The following GLI2 variants were observed in gnomAD, a reference collection of about 807,000 sequenced individuals.
GLI2 encodes transcription activator GLI2.
A neutral mutation model predicts 78.9 loss-of-function variants in GLI2; 22 were observed. The observed-to-expected ratio is 0.28, with a 90% CI of 0.20 to 0.40. The LOEUF is 0.40. Among genes scored for constraint, GLI2 ranks in the 10% least tolerant of loss-of-function variants. GLI2 has a pLI of 1.00. For synonymous variants in GLI2, 974 were observed against 963.7 expected (o/e 1.01, Z -0.20); for missense variants, 2,097 against 2,213.2 (o/e 0.95, Z 1.05).
At chr2:120,862,322 G>A (rs1304723273) in intron 2 of GLI2, among the ~76,000 whole-genome samples, 1 of 152,174 alleles carries the variant, frequency 6.6e-6, no homozygotes, top group Non-Finnish European at 1.5e-5. Flanking sequence ...CCTAACATAA[G>A]GATGCAGTTC....
At chr2:120,777,381 G>A (rs1000035668) in intron 1 of GLI2, among the ~76,000 whole-genome samples, 15 of 152,046 alleles carry the variant, frequency 9.9e-5, no homozygotes, top group Non-Finnish European at 7.4e-5. Flanking sequence ...GTGTCTGAAC[G>A]AGATGAGGGA....
chr2:120,874,532 G>A (rs1462469972), intron 2 of GLI2, among the ~76,000 whole-genome samples: 4 of 152,184 alleles, frequency 2.6e-5, no homozygotes, highest in East Asian at 1.9e-4. Flanking sequence ...GCCTGGAAGC[G>A]GGCCTTGCTC....
At position 120,986,582 on chromosome 2, in the gene GLI2, G is replaced by A. The variant is rs144782119; in HGVS notation, c.2210G>A (p.Arg737Gln). Reference protein sequence around the residue: ...CSWAGPTPHTRNTKLPPLPGS... With the variant: ...CSWAGPTPHTQNTKLPPLPGS... ...TGGGCCGGGCCGACTCCACACACGC[G>A]GAACACCAAGCTGCCTCCCCTCCCG... Residue 737 changes from arginine to glutamine, a missense_variant, in exon 13 of 14, where the codon CGG (arginine) becomes CAG (glutamine). This residue lies in a region of GLI2 where 1,290 missense variants were observed against 1,261.7 expected (regional missense o/e 1.02). Coordinates refer to ENST00000361492, the MANE Select transcript of GLI2 (RefSeq NM_001374353.1). The A allele has an allele frequency of 7.2e-5, 116 of 1,613,940 alleles. No individual in the cohort carries two copies. The highest frequency in any genetic ancestry group is 1.7e-4 in the African/African-American group (13 of 74,902).
At position 120,821,646 on chromosome 2, in the gene GLI2, C is replaced by G. The variant is rs553457427; in HGVS notation, c.148+24178C>G. Among the ~76,000 whole-genome samples the G allele has an allele frequency of 2.6e-5, 4 of 152,194 alleles. No homozygotes were observed. The South Asian group carries it at 8.3e-4, about 32-fold the overall frequency. ...GGTCCACTGCCCTTCCTCACCCTCT[C>G]GTCTTTCTAATAAACAGAGGGGAGG... On this transcript the variant is annotated intron_variant, in intron 2 of 13. Coordinates refer to ENST00000361492, the MANE Select transcript of GLI2 (RefSeq NM_001374353.1).
At chr2:120,804,899 G>T (rs1459350841) in intron 2 of GLI2, among the ~76,000 whole-genome samples, 2 of 152,186 alleles carry the variant, frequency 1.3e-5, no homozygotes, top group African/African-American at 4.8e-5. Context: ...CATGGCTTGG[G>T]GTCAGGCAGA....
intron 2 of GLI2, among the ~76,000 whole-genome samples, chr2:120,808,967 T>C (rs1223746584): frequency 1.3e-5 from 2 of 152,156 alleles, no homozygotes; most frequent in African/African-American, 2.4e-5. Flanking sequence ...CTGGGTTTTC[T>C]AGCTCCAGGT....
intron 2 of GLI2, among the ~76,000 whole-genome samples, chr2:120,825,608 G>T (rs534433332): frequency 6.6e-6 from 1 of 151,938 alleles, no homozygotes; most frequent in Non-Finnish European, 1.5e-5. Context: ...GTGTGTGCTG[G>T]ACTGTAAGCA....
At chr2:120,944,193 TCTCATGG>T (rs987811448) in intron 3 of GLI2, among the ~76,000 whole-genome samples, 1 of 152,108 alleles carries the variant, frequency 6.6e-6, no homozygotes, top group African/African-American at 2.4e-5. Context: ...CCACCAAAAA[TCTCATGG>T]CAGCAGATGG....
intron 2 of GLI2, among the ~76,000 whole-genome samples, chr2:120,827,736 A>G (rs750720903): frequency 3.3e-5 from 5 of 152,246 alleles, no homozygotes; most frequent in Admixed American, 6.5e-5. Flanking sequence ...CACAGCACAG[A>G]TGAACCTTGA....
In GLI2 at chr2:120,949,143, AG is replaced by A. The variant is rs1173886853; in HGVS notation, c.255-2096del. Among the ~76,000 whole-genome samples the A allele has an allele frequency of 8.5e-5, 13 of 152,270 alleles. No individual in the cohort carries two copies. In the East Asian group the frequency reaches 2.5e-3, roughly 30 times the overall value. ...GAGCCCACAGGACCTGCCCTTGTCC[AG>A]GGGTGCATTAGTCTGGTCCCACTTC... On this transcript the variant is annotated intron_variant, in intron 3 of 13. Coordinates refer to ENST00000361492, the MANE Select transcript of GLI2 (RefSeq NM_001374353.1).
intron 2 of GLI2, among the ~76,000 whole-genome samples, chr2:120,807,644 C>T (rs1685023124): frequency 1.3e-5 from 2 of 152,132 alleles, no homozygotes; most frequent in Admixed American, 6.5e-5. Context: ...AGAGGCTGAG[C>T]TGAGCGGGAA....
intron 2 of GLI2, among the ~76,000 whole-genome samples, chr2:120,818,193 C>T (rs1199431471): frequency 6.6e-6 from 1 of 152,198 alleles, no homozygotes; most frequent in African/African-American, 2.4e-5. Flanking sequence ...CGCTTTCATC[C>T]CCGAGGGGTG....
At position 120,892,016 on chromosome 2, in the gene GLI2, G is replaced by A. The variant is rs544831172; in HGVS notation, c.149-35345G>A. ...CCTGCACCTTGTGACCTCCTGCTTG[G>A]CTCTGCGGATTGTGGTCACCACCTT... On this transcript the variant is annotated intron_variant, in intron 2 of 13. Coordinates refer to ENST00000361492, the MANE Select transcript of GLI2 (RefSeq NM_001374353.1). 1.2e-4 allele frequency among the ~76,000 whole-genome samples: 18 copies of A among 151,994 alleles called. No homozygotes were observed. The South Asian group carries it at 3.3e-3, about 28-fold the overall frequency.
chr2:120,929,372 A>G (rs1478583945), intron 3 of GLI2, among the ~76,000 whole-genome samples: 2 of 152,180 alleles, frequency 1.3e-5, no homozygotes, highest in Admixed American at 6.5e-5. Context: ...CCTGTTTCTT[A>G]TCATATTTTC....
intron 1 of GLI2, among the ~76,000 whole-genome samples, chr2:120,743,810 G>A (rs1273196207): frequency 1.3e-5 from 2 of 152,214 alleles, no homozygotes; most frequent in Non-Finnish European, 1.5e-5. Context: ...AACCCTCTGA[G>A]CTAGCACACC....
chr2:120,887,830 C>T (rs1677487289), intron 2 of GLI2, among the ~76,000 whole-genome samples: 1 of 152,202 alleles, frequency 6.6e-6, no homozygotes, highest in Non-Finnish European at 1.5e-5. Context: ...AGCGTTTGCC[C>T]AGGTCCTTGA....
In GLI2 at chr2:120,989,125, A is replaced by G. The variant is rs757606652; in HGVS notation, c.3160A>G (p.Lys1054Glu). 5.6e-6 allele frequency: 9 copies of G among 1,612,784 alleles called. No homozygotes were observed. Among genetic ancestry groups the G allele is most frequent in the South Asian group, 1.1e-5 (1 of 91,092 alleles). Residue 1054 changes from lysine to glutamate, a missense_variant, in exon 14 of 14, where the codon AAG becomes GAG. Physicochemically the swap from Lys to Glu is moderately conservative, Grantham distance 56. This residue lies in a region of GLI2 where 1,290 missense variants were observed against 1,261.7 expected (regional missense o/e 1.02). Transcript: ENST00000361492. ...TCCAGACGACGTGGTGCAGTACATC[A>G]AGGCGCACGCCAGTGGCGCTCTGGA... is the stretch of plus-strand genomic sequence containing the variant. ...VLPDDVVQYI[K>E]AHASGALDEG...
chr2:120,884,858 CT>C (rs1384501143), intron 2 of GLI2, among the ~76,000 whole-genome samples: 3 of 152,176 alleles, frequency 2.0e-5, no homozygotes, highest in African/African-American at 4.8e-5. Flanking sequence ...TGCTCACCCC[CT>C]GGGCCGGAAG....
At chr2:120,848,270 C>T (rs1687220197) in intron 2 of GLI2, among the ~76,000 whole-genome samples, 1 of 152,170 alleles carries the variant, frequency 6.6e-6, no homozygotes. Flanking sequence ...CCTGCCCTGG[C>T]CCGTGGGTTT....
Sources: allele counts gnomAD v4.1 joint callset (sites outside exome capture counted in the v4.1 genomes callset), GRCh38; gene constraint gnomAD v4.1.1; regional missense constraint gnomAD v4.1.1; transcripts MANE v1.5; gene names NCBI Gene and HGNC (gene_info 2026-07-23, HGNC 2026-07-21).